MECOM: variants seen among roughly 807,000 people sequenced by gnomAD.
MECOM encodes the protein MDS1 and EVI1 complex locus.
MECOM carries 13 observed loss-of-function variants against 116.3 expected under a neutral mutation model. That is an observed-to-expected ratio of 0.11 (90% CI 0.07 to 0.18). The LOEUF is 0.18. Ranked by LOEUF, MECOM falls within the 10% of genes least tolerant of loss-of-function variation. MECOM has a pLI of 1.00. For missense variants in MECOM, 1,299 were observed against 1,509.0 expected (o/e 0.86, Z 2.31); for synonymous variants, 528 against 535.2 (o/e 0.99, Z 0.19).
chr3:169,586,824 A>G (rs1381984466), intron 1 of MECOM, among the ~76,000 whole-genome samples: 2 of 152,246 alleles, frequency 1.3e-5, no homozygotes, highest in Non-Finnish European at 2.9e-5. Context: ...TTAAAGCATA[A>G]CCATCTGGTA....
chr3:169,409,297 G>C (rs1381469211), intron 1 of MECOM, among the ~76,000 whole-genome samples: 1 of 152,132 alleles, frequency 6.6e-6, no homozygotes, highest in Non-Finnish European at 1.5e-5. Context: ...AATAGAAATT[G>C]CTTCAATTCC....
chr3:169,385,963 CTTTAGGCATGTCATTAACTGAG>C (rs1733256792), intron 1 of MECOM, among the ~76,000 whole-genome samples: 1 of 152,100 alleles, frequency 6.6e-6, no homozygotes, highest in Non-Finnish European at 1.5e-5. Flanking sequence ...TTCATGCATC[CTTTAGGCATGTCATTAACTGAG>C]TGAGGAAAGA....
In MECOM at chr3:169,269,640, A is replaced by G. The variant is rs1052557965; in HGVS notation, c.375+111547T>C. Among the ~76,000 whole-genome samples, 15 of 152,190 alleles carry G rather than the reference A, an allele frequency of 9.9e-5. 1 individual carries two copies. The highest frequency in any genetic ancestry group is 6.5e-4 in the Admixed American group (10 of 15,276). ...TCTTAATTTGTTGGCCTCCTGCTCA[A>G]TAAAAATCCTAGTCATGCTCTCTGT... On this transcript the variant is annotated intron_variant, in intron 2 of 16. Transcript: ENST00000651503.
At position 169,494,477 on chromosome 3, in the gene MECOM, A is replaced by G. The variant is rs146624847; in HGVS notation, c.38-112953T>C. Among the ~76,000 whole-genome samples, 329 of 151,196 alleles carry G rather than the reference A, an allele frequency of 2.2e-3. 1 individual carries two copies. Among genetic ancestry groups the G allele is most frequent in the Non-Finnish European group, 2.5e-3 (170 of 68,018 alleles). On this transcript the variant is annotated intron_variant, in intron 1 of 16. Coordinates refer to ENST00000651503, the MANE Select transcript of MECOM (RefSeq NM_004991.4). ...GTTCTAACTGTTGAGAATACAATTA[A>G]AGCAAGGAAAAGTTAAAAAGATCAA...
At chr3:169,559,487 C>T (rs1762411961) in intron 1 of MECOM, among the ~76,000 whole-genome samples, 1 of 152,194 alleles carries the variant, frequency 6.6e-6, no homozygotes, top group Non-Finnish European at 1.5e-5. Flanking sequence ...CGTCTGTAAA[C>T]TCCACACCTG....
intron 1 of MECOM, among the ~76,000 whole-genome samples, chr3:169,585,186 T>C (rs1029328800): frequency 2.0e-5 from 3 of 152,228 alleles, no homozygotes; most frequent in African/African-American, 4.8e-5. Flanking sequence ...AAATGGTTTG[T>C]GTCTTTACCT....
chr3:169,110,619 C>T (rs1727043923), intron 9 of MECOM, among the ~76,000 whole-genome samples: 1 of 152,220 alleles, frequency 6.6e-6, no homozygotes, highest in South Asian at 2.1e-4. Context: ...CTTCCCCAAA[C>T]ACCCCTCAGA....
At chr3:169,260,082 G>A (rs1030870414) in intron 2 of MECOM, among the ~76,000 whole-genome samples, 2 of 152,180 alleles carry the variant, frequency 1.3e-5, no homozygotes, top group African/African-American at 2.4e-5. Flanking sequence ...TACAAAATGG[G>A]GGAAATGTTC....
intron 1 of MECOM, among the ~76,000 whole-genome samples, chr3:169,519,200 C>G (rs556821210): frequency 2.3e-4 from 35 of 152,280 alleles, no homozygotes; most frequent in Admixed American, 1.2e-3. Flanking sequence ...AAAACAACTG[C>G]TATGATCTAT....
At chr3:169,658,064 T>C (rs1775745510) in intron 1 of MECOM, among the ~76,000 whole-genome samples, 1 of 152,200 alleles carries the variant, frequency 6.6e-6, no homozygotes, top group Non-Finnish European at 1.5e-5. Context: ...GAAAATTCCC[T>C]GGTAAACTCT....
At chr3:169,521,880 A>AT (rs993966920) in intron 1 of MECOM, among the ~76,000 whole-genome samples, 49 of 151,844 alleles carry the variant, frequency 3.2e-4, no homozygotes, top group Admixed American at 2.6e-4. Flanking sequence ...TAAGTACAGA[A>AT]TTTTTTTTTG....
chr3:169,466,363 G>A (rs981429027), intron 1 of MECOM, among the ~76,000 whole-genome samples: 8 of 152,168 alleles, frequency 5.3e-5, no homozygotes, highest in Admixed American at 2.6e-4. Flanking sequence ...AAGGCTCTGC[G>A]CTGTGCTTGG....
chr3:169,108,548 T>C (rs1726215908), intron 9 of MECOM, among the ~76,000 whole-genome samples: 1 of 152,170 alleles, frequency 6.6e-6, no homozygotes, highest in Admixed American at 6.6e-5. Flanking sequence ...TGGGAAAACC[T>C]TCAGTGGGTT....
chr3:169,119,235 C>G (rs894768436), intron 7 of MECOM, among the ~76,000 whole-genome samples: 3 of 152,174 alleles, frequency 2.0e-5, no homozygotes, highest in African/African-American at 7.2e-5. Flanking sequence ...TGGTGAGAAA[C>G]AGATATCAGC....
intron 2 of MECOM, among the ~76,000 whole-genome samples, chr3:169,315,248 C>T (rs1719528471): frequency 6.6e-6 from 1 of 152,212 alleles, no homozygotes; most frequent in Admixed American, 6.5e-5. Flanking sequence ...AGGGGAGCCA[C>T]CAAAATCAGC....
At chr3:169,482,328 C>CTTTTTTTTTTTTTTTTTTT (rs768771100) in intron 1 of MECOM, among the ~76,000 whole-genome samples, 1 of 108,396 alleles carries the variant, frequency 9.2e-6, no homozygotes. Context: ...AACCCACGTT[C>CTTTTTTTTTTTTTTTTTTT]TTTTTTTTTT....
intron 1 of MECOM, among the ~76,000 whole-genome samples, chr3:169,422,958 T>C (rs1049232523): frequency 6.6e-6 from 1 of 152,116 alleles, no homozygotes; most frequent in Non-Finnish European, 1.5e-5. Flanking sequence ...AAATTGCCCT[T>C]ATTTTTAAAA....
At chr3:169,495,403 C>G (rs1331511385) in intron 1 of MECOM, among the ~76,000 whole-genome samples, 3 of 152,146 alleles carry the variant, frequency 2.0e-5, no homozygotes, top group African/African-American at 7.2e-5. Context: ...ATAATTATTT[C>G]TAAACACACC....
chr3:169,423,667 A>C (rs1314796200), intron 1 of MECOM, among the ~76,000 whole-genome samples: 1 of 152,144 alleles, frequency 6.6e-6, no homozygotes, highest in Non-Finnish European at 1.5e-5. Context: ...ATGCCTTATT[A>C]ATAGGAAACA....
Sources: gnomAD v4.1 joint callset for allele counts (sites outside exome capture counted in the v4.1 genomes callset) on GRCh38, gnomAD v4.1.1 for gene constraint, MANE v1.5 for transcripts, NCBI Gene and HGNC (gene_info 2026-07-23, HGNC 2026-07-21) for gene names.